Variants in MOGAT2 observed in about 807,000 individuals in gnomAD.
The protein encoded by MOGAT2 is 2-acylglycerol O-acyltransferase 2.
MOGAT2 carries 27 observed loss-of-function variants against 31.5 expected under a neutral mutation model. That is an observed-to-expected ratio of 0.86 (90% CI 0.63 to 1.18). The LOEUF (loss-of-function observed/expected upper bound fraction) is 1.18, where lower values mean the gene tolerates loss of function less well. MOGAT2 is among the 50% of genes most tolerant of loss of function. MOGAT2 has a pLI of 0.00. For synonymous variants in MOGAT2, 163 were observed against 170.0 expected (o/e 0.96, Z 0.32); for missense variants, 436 against 433.2 (o/e 1.01, Z -0.06).
At chr11:75,725,454 A>G (rs578102495) in intron 2 of MOGAT2, among the ~76,000 whole-genome samples, 2 of 152,184 alleles carry the variant, frequency 1.3e-5, no homozygotes, top group Non-Finnish European at 2.9e-5. Context: ...AGGCTGAGGC[A>G]TAAAAATTGT....
chr11:75,726,414 AC>A (rs930472903), intron 2 of MOGAT2, among the ~76,000 whole-genome samples: 2 of 151,796 alleles, frequency 1.3e-5, no homozygotes, highest in Admixed American at 6.6e-5. Flanking sequence ...TGGTTCCCGG[AC>A]CCCCGCAGAT....
intron 2 of MOGAT2, among the ~76,000 whole-genome samples, chr11:75,722,944 T>C (rs1944387858): frequency 6.6e-6 from 1 of 152,224 alleles, no homozygotes; most frequent in Non-Finnish European, 1.5e-5. Context: ...TGCATCTTTT[T>C]GTTTCTTTGT....
intron 4 of MOGAT2, 164 bp downstream of exon 4, chr11:75,728,308 GAA>G: frequency 2.4e-6 from 2 of 839,394 alleles, no homozygotes; most frequent in Non-Finnish European, 3.9e-6. Flanking sequence ...CAAATACCTA[GAA>G]AAGTTTCCAC....
At position 75,727,540 on chromosome 11, in the gene MOGAT2, A is replaced by C; in HGVS notation, c.376A>C (p.Thr126Pro). The C allele has an allele frequency of 6.2e-7, 1 of 1,614,172 alleles. No individual in the cohort carries two copies. Reference sequence around the variant, plus strand: ...CTTTGCCAACCTGTGCACTGAGAGCACAGGCTTCTCTTCGATCTTCCCCGG... The same window carrying C: ...CTTTGCCAACCTGTGCACTGAGAGCCCAGGCTTCTCTTCGATCTTCCCCGG... ...GAFANLCTES[T>P]GFSSIFPGIR... is the part of the protein sequence containing the mutation. The change falls in exon 3 of 6, where the codon ACA becomes CCA. Residue 126 changes from threonine (T) to proline (P), a missense_variant. Physicochemically the swap from Thr to Pro is conservative, Grantham distance 38. Transcript: ENST00000198801.
chr11:75,720,554 T>C (rs76376976), intron 2 of MOGAT2, among the ~76,000 whole-genome samples: 2,906 of 152,122 alleles, frequency 0.019, 83 homozygotes, highest in African/African-American at 0.065. Flanking sequence ...TTAACATTCA[T>C]CAGAAGAGGA....
chr11:75,730,631 C>A (rs1265420811), intron 5 of MOGAT2, among the ~76,000 whole-genome samples: 2 of 152,158 alleles, frequency 1.3e-5, no homozygotes, highest in African/African-American at 4.8e-5. Context: ...CAGCCACTGG[C>A]TGGGCGTGGT....
At chr11:75,720,835 G>C (rs1353158621) in intron 2 of MOGAT2, among the ~76,000 whole-genome samples, 3 of 152,106 alleles carry the variant, frequency 2.0e-5, no homozygotes, top group African/African-American at 4.8e-5. Flanking sequence ...TCCGACTCCT[G>C]TCACCTCGTG....
At position 75,731,321 on chromosome 11, in the gene MOGAT2, C is replaced by A. The variant is rs375687019; in HGVS notation, c.*35C>A. On this transcript the variant is annotated 3_prime_UTR_variant, in exon 6 of 6. Coordinates refer to ENST00000198801, the MANE Select transcript of MOGAT2 (RefSeq NM_025098.4). The stretch of plus-strand genomic sequence containing the variant: ...GCAGGGCCAACATTAGGGAGCCCAG[C>A]AGGAGGTGCTGTGCTGAGAAGACTT... 1.3e-4 allele frequency: 201 copies of A among 1,607,840 alleles called. No individual in the cohort carries two copies. In the African/African-American group the frequency reaches 1.6e-3, roughly 13 times the overall value.
intron 2 of MOGAT2, among the ~76,000 whole-genome samples, chr11:75,720,595 C>A (rs1185952117): frequency 1.3e-5 from 2 of 152,178 alleles, no homozygotes; most frequent in Non-Finnish European, 2.9e-5. Flanking sequence ...GGAAATGTCA[C>A]CAAGGTCACA....
intron 2 of MOGAT2, among the ~76,000 whole-genome samples, chr11:75,725,682 T>TTA (rs1944416572): frequency 6.6e-6 from 1 of 152,226 alleles, no homozygotes; most frequent in Admixed American, 6.5e-5. Context: ...CAGTCTGCTC[T>TTA]GAGAGAGGGC....
chr11:75,718,098 T>C lies in MOGAT2; in HGVS notation c.91+119T>C, dbSNP rs1402089152. 36 of 1,054,070 alleles carry C rather than the reference T, an allele frequency of 3.4e-5. 2 individuals are homozygous for C. In the South Asian group the frequency reaches 4.8e-4, roughly 14 times the overall value. 65.3% of individuals were successfully genotyped at this position (1,054,070 alleles called of 1,614,324 possible). On this transcript the variant is annotated intron_variant, in intron 1 of 5. Coordinates refer to ENST00000198801, the MANE Select transcript of MOGAT2 (RefSeq NM_025098.4). ...GACATTTATCCTAAAGGGGGCTTTG[T>C]TGCGCTCAGAGCCCCTGCCCAGAGA...
intron 2 of MOGAT2, among the ~76,000 whole-genome samples, chr11:75,726,935 C>A (rs1451729363): frequency 6.6e-6 from 1 of 152,132 alleles, no homozygotes; most frequent in Non-Finnish European, 1.5e-5. Flanking sequence ...GGTCACCCAC[C>A]CGCCTTGGCC....
intron 1 of MOGAT2, among the ~76,000 whole-genome samples, chr11:75,718,414 A>C (rs623693): frequency 0.43 from 64,620 of 151,840 alleles, 14,130 homozygotes; most frequent in Non-Finnish European, 0.47. Flanking sequence ...AGGGAAAGAA[A>C]AGAAGGGTGG....
At chr11:75,720,838 A>C (rs1814270292) in intron 2 of MOGAT2, among the ~76,000 whole-genome samples, 1 of 152,056 alleles carries the variant, frequency 6.6e-6, no homozygotes, top group Admixed American at 6.6e-5. Context: ...GACTCCTGTC[A>C]CCTCGTGGTC....
At chr11:75,729,239 G>A (rs142518626) in intron 5 of MOGAT2, among the ~76,000 whole-genome samples, 2,393 of 152,340 alleles carry the variant, frequency 0.016, 16 homozygotes, top group South Asian at 0.035. Context: ...TACACTAGCT[G>A]CCCTACATGA....
intron 2 of MOGAT2, among the ~76,000 whole-genome samples, chr11:75,725,775 G>T (rs1944417207): frequency 6.6e-6 from 1 of 152,126 alleles, no homozygotes; most frequent in Non-Finnish European, 1.5e-5. Flanking sequence ...TTTTACACTG[G>T]CAAAGCTGTG....
chr11:75,728,710 C>A, intron 4 of MOGAT2, 80 bp from the exon 5 acceptor site: 1 of 1,265,148 alleles, frequency 7.9e-7, no homozygotes, highest in Non-Finnish European at 1.1e-6. Flanking sequence ...CACTGAGTCC[C>A]TGCAGGAAGC....
intron 3 of MOGAT2, 94 bp from the exon 4 acceptor site, chr11:75,727,876 G>A (rs1396014286): frequency 3.8e-6 from 5 of 1,330,032 alleles, no homozygotes; most frequent in African/African-American, 1.5e-5. Context: ...CCAGGCCTCA[G>A]TAGGCATTGC....
At position 75,731,523 on chromosome 11, in the gene MOGAT2, A is replaced by T. The variant is rs1334493961; in HGVS notation, c.*237A>T. ...GCTGGGCCTCTCTTTGCACATGGAC[A>T]CTGGGCCCCTCTCTATATTGAGTGG... On this transcript the variant is annotated 3_prime_UTR_variant, in exon 6 of 6. Transcript: ENST00000198801. 2 of 459,452 alleles carry T rather than the reference A, an allele frequency of 4.4e-6. No individual in the cohort carries two copies. Among genetic ancestry groups the T allele is most frequent in the African/African-American group, 8.1e-5 (2 of 24,726 alleles). The allele number at this position is 459,452 out of a possible 1,614,324, so 28.5% of individuals were successfully genotyped here.
Sources: gnomAD v4.1 joint callset for allele counts (sites outside exome capture counted in the v4.1 genomes callset) on GRCh38, gnomAD v4.1.1 for gene constraint, MANE v1.5 for transcripts, NCBI Gene and HGNC (gene_info 2026-07-23, HGNC 2026-07-21) for gene names.